The following NAALAD2 variants were observed in gnomAD, a reference collection of about 807,000 sequenced individuals.
NAALAD2 encodes N-acetylated alpha-linked acidic dipeptidase 2.
Under a neutral mutation model 95.6 loss-of-function variants are expected in NAALAD2, and 89 were observed. The ratio of observed to expected loss-of-function variants is 0.93; its 90% CI spans 0.78 to 1.11. NAALAD2 has a LOEUF of 1.11. Ranked by LOEUF, NAALAD2 falls within the 50% of genes least tolerant of loss-of-function variation. The pLI is 0.00. For synonymous variants in NAALAD2, 264 were observed against 294.4 expected (o/e 0.90, Z 1.06); for missense variants, 894 against 872.4 (o/e 1.02, Z -0.31).
At chr11:90,155,456 A>G (rs1952059016) in intron 6 of NAALAD2, among the ~76,000 whole-genome samples, 2 of 109,906 alleles carry the variant, frequency 1.8e-5, no homozygotes, top group Non-Finnish European at 3.3e-5. Flanking sequence ...AATATGTAAT[A>G]TGTAATATTA....
intron 13 of NAALAD2, among the ~76,000 whole-genome samples, chr11:90,173,095 C>CA (rs1409421415): frequency 3.3e-5 from 5 of 152,134 alleles, no homozygotes; most frequent in Non-Finnish European, 5.9e-5. Context: ...GTTTTCACCA[C>CA]ATGTCTCTGC....
At position 90,192,331 on chromosome 11, in the gene NAALAD2, C is replaced by G. The variant is rs1857354577; in HGVS notation, c.*584C>G. 1 of 151,948 alleles carries G rather than the reference C, an allele frequency of 6.6e-6. No individual in the cohort carries two copies. 9.4% of individuals were successfully genotyped at this position (151,948 alleles called of 1,614,324 possible). On this transcript the variant is annotated 3_prime_UTR_variant, in exon 19 of 19. Transcript: ENST00000534061. ...CTTTCAATAAATGCAATATTATTGG[C>G]AGACATTGTTGAAGGAAAAAAGCCA...
At chr11:90,162,464 A>C (rs2134915938) in intron 8 of NAALAD2, 1 of 152,192 alleles carries the variant, frequency 6.6e-6, no homozygotes, top group Middle Eastern at 3.4e-3. Flanking sequence ...TCATTTCCAT[A>C]ATCATAAAGA....
chr11:90,157,947 T>C (rs571389039), intron 6 of NAALAD2, among the ~76,000 whole-genome samples, 198 bp from the exon 7 acceptor site: 1 of 152,252 alleles, frequency 6.6e-6, no homozygotes, highest in Non-Finnish European at 1.5e-5. Context: ...TCTCCATCTC[T>C]TGGCCTCATG....
intron 5 of NAALAD2, 56 bp downstream of exon 5, chr11:90,150,663 TGTAAATGA>T: frequency 7.4e-7 from 1 of 1,348,568 alleles, no homozygotes. Flanking sequence ...ATTCTGTAAA[TGTAAATGA>T]CCAACTTGCT....
At position 90,181,656 on chromosome 11, in the gene NAALAD2, C is replaced by T; in HGVS notation, c.1895C>T (p.Ala632Val). The T allele has an allele frequency of 1.9e-6, 3 of 1,606,774 alleles. No homozygotes were observed. The highest frequency in any genetic ancestry group is 2.5e-6 in the Non-Finnish European group (3 of 1,176,726). The part of the protein sequence containing the change: ...LFSAVKNFSE[A>V]ASDFHKRLIQ... Reference sequence around the variant, plus strand: ...TCTGCTGTGAAAAACTTCTCAGAGGCTGCTTCAGATTTTCATAAACGACTT... The same window carrying T: ...TCTGCTGTGAAAAACTTCTCAGAGGTTGCTTCAGATTTTCATAAACGACTT... The change falls in exon 17 of 19, where the codon GCT becomes GTT. Residue 632 changes from alanine (A) to valine (V), a missense_variant. Coordinates refer to ENST00000534061, the MANE Select transcript of NAALAD2 (RefSeq NM_005467.4).
At chr11:90,149,808 A>G (rs1951841209) in intron 4 of NAALAD2, among the ~76,000 whole-genome samples, 1 of 152,120 alleles carries the variant, frequency 6.6e-6, no homozygotes, top group Admixed American at 6.5e-5. Context: ...CATAGATAGG[A>G]TTTTATAGAT....
Position 90,170,118 on chromosome 11 carries a change from G to T in NAALAD2, c.1392G>T (p.Val464=). The T allele has an allele frequency of 6.3e-7, 1 of 1,590,690 alleles. No homozygotes were observed. Among genetic ancestry groups the T allele is most frequent in the South Asian group, 1.1e-5 (1 of 90,546 alleles). Residue 464 remains valine, a synonymous_variant, in exon 13 of 19, where the codon GTG becomes GTT. Transcript: ENST00000534061. The part of the protein sequence containing the change: ...VDCTPLLYQL[V]YKLTKEIPSP... Reference sequence around the variant, plus strand: ...GTACTCCCCTTCTTTACCAATTAGTGTATAAACTGACAAAAGAGGTATATA... The same window carrying T: ...GTACTCCCCTTCTTTACCAATTAGTTTATAAACTGACAAAAGAGGTATATA...
intron 18 of NAALAD2, among the ~76,000 whole-genome samples, chr11:90,185,423 C>A (rs992395904): frequency 6.6e-6 from 1 of 151,974 alleles, no homozygotes; most frequent in Non-Finnish European, 1.5e-5. Context: ...GTAATCCCAG[C>A]GCTTTGGGAG....
intron 16 of NAALAD2, among the ~76,000 whole-genome samples, chr11:90,179,824 A>T (rs1213216766): frequency 6.6e-6 from 1 of 152,074 alleles, no homozygotes; most frequent in African/African-American, 2.4e-5. Context: ...TAATTCTTCT[A>T]CCTACTTACC....
chr11:90,155,817 T>TATATATGTA (rs1265997100), intron 6 of NAALAD2, among the ~76,000 whole-genome samples: 1 of 124,140 alleles, frequency 8.1e-6, no homozygotes, highest in African/African-American at 3.3e-5. Flanking sequence ...TAATATATAA[T>TATATATGTA]ATATATGTAA....
chr11:90,191,317 T>C (rs1485847620), intron 18 of NAALAD2, among the ~76,000 whole-genome samples: 1 of 149,406 alleles, frequency 6.7e-6, no homozygotes, highest in Non-Finnish European at 1.5e-5. Flanking sequence ...ACCTGCTTTC[T>C]TCCATCTGCT....
intron 11 of NAALAD2, among the ~76,000 whole-genome samples, chr11:90,165,156 T>A (rs1422812112): frequency 6.6e-6 from 1 of 152,212 alleles, no homozygotes; most frequent in Non-Finnish European, 1.5e-5. Context: ...AGTCTCATCA[T>A]TTTTTACGAC....
chr11:90,168,296 G>A (rs1402714935), intron 11 of NAALAD2, among the ~76,000 whole-genome samples: 1 of 152,182 alleles, frequency 6.6e-6, no homozygotes, highest in African/African-American at 2.4e-5. Flanking sequence ...TTTAAGAACG[G>A]TAACACTCAC....
intron 18 of NAALAD2, among the ~76,000 whole-genome samples, chr11:90,186,406 A>G (rs1857144475): frequency 6.6e-6 from 1 of 152,016 alleles, no homozygotes; most frequent in Non-Finnish European, 1.5e-5. Flanking sequence ...TATGTGCCAC[A>G]TTTTCTTAAT....
At chr11:90,156,525 C>G (rs1374812632) in intron 6 of NAALAD2, among the ~76,000 whole-genome samples, 1 of 152,094 alleles carries the variant, frequency 6.6e-6, no homozygotes, top group Non-Finnish European at 1.5e-5. Flanking sequence ...TGCTATACCT[C>G]TCCCTATAAG....
chr11:90,147,983 T>C lies in NAALAD2; in HGVS notation c.381+467T>C, dbSNP rs535374122. 2.0e-5 allele frequency among the ~76,000 whole-genome samples: 3 copies of C among 152,354 alleles called. No individual in the cohort carries two copies. The South Asian group carries it at 6.2e-4, about 32-fold the overall frequency. On this transcript the variant is annotated intron_variant, in intron 3 of 18. Transcript: ENST00000534061. The stretch of plus-strand genomic sequence containing the variant: ...ATTGGGAGAATGTAATGATTTTCTG[T>C]ATTTCAAAAGTGTAAAATATGAAGT...
intron 16 of NAALAD2, 49 bp from the exon 17 acceptor site, chr11:90,181,571 C>G: frequency 7.5e-7 from 1 of 1,330,050 alleles, no homozygotes; most frequent in Non-Finnish European, 1.1e-6. Context: ...GAAAGCGAAC[C>G]TCTGAAATAT....
chr11:90,138,829 C>T (rs1951525230), intron 2 of NAALAD2, among the ~76,000 whole-genome samples: 1 of 139,450 alleles, frequency 7.2e-6, no homozygotes, highest in South Asian at 2.4e-4. Context: ...GTCATGTCAA[C>T]ATCTGCACAC....
Sources: gnomAD v4.1 joint callset for allele counts (sites outside exome capture counted in the v4.1 genomes callset) on GRCh38, gnomAD v4.1.1 for gene constraint, MANE v1.5 for transcripts, NCBI Gene and HGNC (gene_info 2026-07-23, HGNC 2026-07-21) for gene names.